Variants in CALN1 observed in about 807,000 individuals in gnomAD.
CALN1 encodes the protein calneuron 1.
Under a neutral mutation model 30.6 loss-of-function variants are expected in CALN1, and 17 were observed. The observed-to-expected ratio is 0.56, with a 90% CI of 0.38 to 0.83. CALN1 has a LOEUF of 0.83. CALN1 is among the 40% of genes least tolerant of loss of function. The pLI is 0.00. For missense variants in CALN1, 291 were observed against 354.9 expected, an observed-to-expected ratio of 0.82 and a Z score of 1.45; for synonymous variants, 156 against 131.4, an observed-to-expected ratio of 1.19 and a Z score of -1.28.
In CALN1 at chr7:71,784,785, CT is replaced by C. The variant is rs1273707835; in HGVS notation, c.*2989del. The C allele has an allele frequency of 9.3e-5, 37 of 398,482 alleles. No individual in the cohort carries two copies. The highest frequency in any genetic ancestry group is 9.2e-4 in the Admixed American group (21 of 22,716). 24.7% of individuals were successfully genotyped at this position (398,482 alleles called of 1,614,324 possible). On this transcript the variant is annotated 3_prime_UTR_variant, in exon 7 of 7. Coordinates refer to ENST00000395275, the MANE Select transcript of CALN1 (RefSeq NM_031468.4). ...GGGGTGAGCTATTCCCTCTCAATTC[CT>C]GCGGAAGTCACTTCCAGCTGGGGCT...
the CALN1 span, among the ~76,000 whole-genome samples, chr7:72,460,021 C>T: frequency 6.6e-6 from 1 of 152,316 alleles, no homozygotes; most frequent in South Asian, 2.1e-4. Context: ...CTTCAGAAAG[C>T]TTCCAATCAT....
At chr7:72,391,362 G>A (rs1182228461) in intron 2 of CALN1, among the ~76,000 whole-genome samples, 1 of 152,166 alleles carries the variant, frequency 6.6e-6, no homozygotes, top group Non-Finnish European at 1.5e-5. Context: ...ATTGCTGGAA[G>A]GCATCTTATC....
chr7:72,203,989 T>A lies in CALN1; in HGVS notation c.244+74697A>T, dbSNP rs1386887820. On this transcript the variant is annotated intron_variant, in intron 3 of 6. Coordinates refer to ENST00000395275, the MANE Select transcript of CALN1 (RefSeq NM_031468.4). Reference sequence around the variant, plus strand: ...ATAAGAGGCCTCTCTCTTTTTTTTTTTTTTTTTTTTTTTTTTTTTTGAGAC... The same window carrying A: ...ATAAGAGGCCTCTCTCTTTTTTTTTATTTTTTTTTTTTTTTTTTTTGAGAC... Among the ~76,000 whole-genome samples the A allele has an allele frequency of 3.1e-3, 243 of 78,952 alleles. 4 individuals carry two copies. Among genetic ancestry groups the A allele is most frequent in the African/African-American group, 7.1e-3 (148 of 20,752 alleles). 51.8% of individuals were successfully genotyped at this position (78,952 alleles called of 152,430 possible). A position where few individuals can be genotyped will look rare whatever the true frequency, so the allele number is the denominator to read the frequency against.
the CALN1 span, among the ~76,000 whole-genome samples, chr7:72,455,321 A>ATATGTG: frequency 2.4e-4 from 33 of 138,856 alleles, no homozygotes; most frequent in East Asian, 1.9e-3. Flanking sequence ...ATATATATAT[A>ATATGTG]TGTGTGTGTG....
intron 3 of CALN1, 25 bp downstream of exon 3, chr7:72,278,661 C>A (rs1445658080): frequency 1.9e-6 from 3 of 1,595,690 alleles, no homozygotes; most frequent in Admixed American, 3.3e-5. Flanking sequence ...GGGGGCCATC[C>A]CCCCAAACAG....
At chr7:72,410,216 A>G (rs986146545) in intron 1 of CALN1, among the ~76,000 whole-genome samples, 4 of 152,180 alleles carry the variant, frequency 2.6e-5, no homozygotes, top group Non-Finnish European at 4.4e-5. Context: ...TTAAATATGT[A>G]AGAGAGGTTG....
intron 5 of CALN1, among the ~76,000 whole-genome samples, chr7:71,871,314 G>A (rs998237348): frequency 2.6e-5 from 4 of 152,116 alleles, no homozygotes; most frequent in South Asian, 2.1e-4. Flanking sequence ...TCCAATTAGC[G>A]TGAATTGTCA....
intron 3 of CALN1, among the ~76,000 whole-genome samples, chr7:72,151,200 G>A (rs1344248109): frequency 1.3e-5 from 2 of 152,078 alleles, no homozygotes; most frequent in Non-Finnish European, 2.9e-5. Flanking sequence ...TTATATGTAG[G>A]GTTGGTGCCC....
chr7:72,133,950 CTCTTCAAAAT>C (rs571566632), intron 3 of CALN1, among the ~76,000 whole-genome samples: 5 of 152,262 alleles, frequency 3.3e-5, no homozygotes, highest in Admixed American at 6.5e-5. Context: ...TGAGTATGTT[CTCTTCAAAAT>C]TCTTCAAAAT....
chr7:72,312,048 A>G (rs1800089551), intron 2 of CALN1, among the ~76,000 whole-genome samples: 1 of 152,110 alleles, frequency 6.6e-6, no homozygotes, highest in South Asian at 2.1e-4. Context: ...GATACTGTTG[A>G]CATTTCTGGA....
chr7:72,501,928 A>AAAAAAAAAAATAT, the CALN1 span, among the ~76,000 whole-genome samples: 2 of 57,968 alleles, frequency 3.5e-5, 1 homozygote, highest in African/African-American at 2.0e-4. Flanking sequence ...AAAAAAAAAA[A>AAAAAAAAAAATAT]ATATATATAT....
intron 2 of CALN1, among the ~76,000 whole-genome samples, chr7:72,394,841 A>G (rs181584737): frequency 7.2e-4 from 109 of 151,920 alleles, no homozygotes; most frequent in African/African-American, 2.6e-3. Flanking sequence ...ATTTTTTTGT[A>G]GAGATGGACT....
chr7:71,907,445 A>G (rs766599451), intron 5 of CALN1, among the ~76,000 whole-genome samples: 1 of 152,162 alleles, frequency 6.6e-6, no homozygotes, highest in South Asian at 2.1e-4. Flanking sequence ...CCATGCATCA[A>G]CTATGAAGCA....
chr7:72,336,301 C>T (rs1802030694), intron 2 of CALN1, among the ~76,000 whole-genome samples: 1 of 152,080 alleles, frequency 6.6e-6, no homozygotes, highest in Admixed American at 6.5e-5. Context: ...AGTCCCCTGC[C>T]CTCCCTCCCC....
intron 5 of CALN1, among the ~76,000 whole-genome samples, chr7:71,837,910 A>G (rs1163322697): frequency 1.3e-5 from 2 of 152,168 alleles, no homozygotes; most frequent in African/African-American, 2.4e-5. Context: ...TCAAAACGCC[A>G]GAACAGGAGG....
At chr7:72,296,993 T>C (rs12699132) in intron 2 of CALN1, among the ~76,000 whole-genome samples, 70,191 of 151,506 alleles carry the variant, frequency 0.46, 17,273 homozygotes, top group South Asian at 0.68. Flanking sequence ...TGCTCTTGCT[T>C]TTCTAGTTCT....
At chr7:72,352,075 G>A (rs1802949964) in intron 2 of CALN1, among the ~76,000 whole-genome samples, 1 of 152,116 alleles carries the variant, frequency 6.6e-6, no homozygotes, top group Non-Finnish European at 1.5e-5. Context: ...GGTCAGGCAG[G>A]AGAATCATTT....
chr7:72,094,322 T>C (rs1026053912), intron 4 of CALN1, among the ~76,000 whole-genome samples: 3 of 152,140 alleles, frequency 2.0e-5, no homozygotes, highest in African/African-American at 7.2e-5. Context: ...TGGCACAATC[T>C]CAGCTCACTG....
At chr7:71,873,948 T>C (rs1236098632) in intron 5 of CALN1, among the ~76,000 whole-genome samples, 2 of 152,200 alleles carry the variant, frequency 1.3e-5, no homozygotes, top group Admixed American at 1.3e-4. Context: ...CAGTAAAAAA[T>C]GTATTTCAGT....
Sources: gnomAD v4.1 joint callset for allele counts (sites outside exome capture counted in the v4.1 genomes callset) on GRCh38, gnomAD v4.1.1 for gene constraint, MANE v1.5 for transcripts, NCBI Gene and HGNC (gene_info 2026-07-23, HGNC 2026-07-21) for gene names.